EGF: variants seen among roughly 807,000 people sequenced by gnomAD.
EGF encodes pro-epidermal growth factor.
A neutral mutation model predicts 143.8 loss-of-function variants in EGF; 95 were observed. That is an observed-to-expected ratio of 0.66 (90% CI 0.56 to 0.78). EGF has a LOEUF of 0.78. Ranked by LOEUF, EGF falls within the 30% of genes least tolerant of loss-of-function variation. EGF has a pLI of 0.00. For missense variants in EGF, 1,320 were observed against 1,470.9 expected, an observed-to-expected ratio of 0.90 and a Z score of 1.68; for synonymous variants, 510 against 510.5, an observed-to-expected ratio of 1.00 and a Z score of 0.01.
chr4:109,928,187 T>C (rs540417452), intron 1 of EGF, among the ~76,000 whole-genome samples: 1 of 152,160 alleles, frequency 6.6e-6, no homozygotes, highest in African/African-American at 2.4e-5. Flanking sequence ...AATTTAATGG[T>C]GAAAGGCCAG....
chr4:109,983,132 G>T (rs1295710284), intron 15 of EGF, among the ~76,000 whole-genome samples: 3 of 152,084 alleles, frequency 2.0e-5, no homozygotes, highest in African/African-American at 4.8e-5. Flanking sequence ...GTCCCTGAGG[G>T]TTTTGGTATT....
At chr4:109,916,807 T>A (rs1446808988) in intron 1 of EGF, among the ~76,000 whole-genome samples, 1 of 152,204 alleles carries the variant, frequency 6.6e-6, no homozygotes, top group Non-Finnish European at 1.5e-5. Context: ...TGTGGCTTGG[T>A]TTCGCCTATA....
intron 16 of EGF, among the ~76,000 whole-genome samples, chr4:109,986,283 A>T (rs1172564536): frequency 3.9e-5 from 6 of 152,242 alleles, no homozygotes; most frequent in African/African-American, 1.4e-4. Context: ...CAAGTGATTT[A>T]AAACATCTTG....
At position 109,958,883 on chromosome 4, in the gene EGF, A is replaced by T. The variant is rs11568924; in HGVS notation, c.941-429A>T. ...CAGTGAGCCAAGATTGTGCCACTGC[A>T]CTCCAGCCTGGGTGACAGGGGGAGA... On this transcript the variant is annotated intron_variant, in intron 5 of 23. Coordinates refer to ENST00000265171, the MANE Select transcript of EGF (RefSeq NM_001963.6). Among the ~76,000 whole-genome samples the T allele has an allele frequency of 0.013, 1,887 of 144,240 alleles. 191 individuals are homozygous for T. In the East Asian group the frequency reaches 0.23, roughly 18 times the overall value. The allele number at this position is 144,240 out of a possible 152,430, so 94.6% of individuals were successfully genotyped here. A position where few individuals can be genotyped will look rare whatever the true frequency, so the allele number is the denominator to read the frequency against.
chr4:109,958,398 T>G (rs945131104), intron 5 of EGF, among the ~76,000 whole-genome samples: 1 of 152,194 alleles, frequency 6.6e-6, no homozygotes, highest in African/African-American at 2.4e-5. Flanking sequence ...TGGTACAAAA[T>G]TGACCACTTA....
chr4:109,980,685 T>C, intron 14 of EGF, 141 bp from the exon 15 acceptor site: 1 of 910,292 alleles, frequency 1.1e-6, no homozygotes, highest in Non-Finnish European at 1.8e-6. Flanking sequence ...CTGAAATAGC[T>C]ATTGATATAC....
chr4:109,960,316 C>G (rs1005095032), intron 6 of EGF, among the ~76,000 whole-genome samples: 1 of 152,066 alleles, frequency 6.6e-6, no homozygotes, highest in Non-Finnish European at 1.5e-5. Context: ...TACCTTTTTC[C>G]CAAGGGTTAT....
chr4:109,979,278 T>C (rs1238073784), intron 13 of EGF, among the ~76,000 whole-genome samples: 1 of 151,494 alleles, frequency 6.6e-6, no homozygotes, highest in Non-Finnish European at 1.5e-5. Context: ...GAAATGAAGA[T>C]GGGAGAGAGG....
intron 1 of EGF, among the ~76,000 whole-genome samples, chr4:109,924,978 A>G (rs943611950): frequency 2.0e-5 from 3 of 152,192 alleles, no homozygotes; most frequent in Admixed American, 2.0e-4. Flanking sequence ...GACAAGCAAG[A>G]TATTTGTAAA....
At chr4:109,980,691 T>C in intron 14 of EGF, 135 bp from the exon 15 acceptor site, 1 of 956,426 alleles carries the variant, frequency 1.0e-6, no homozygotes, top group Non-Finnish European at 1.7e-6. Context: ...TAGCTATTGA[T>C]ATACCCTCTA....
At chr4:109,929,870 G>A (rs1359807878) in intron 1 of EGF, among the ~76,000 whole-genome samples, 1 of 152,152 alleles carries the variant, frequency 6.6e-6, no homozygotes, top group Non-Finnish European at 1.5e-5. Context: ...ATTTGTGCTT[G>A]ATATGGTTGG....
intron 1 of EGF, among the ~76,000 whole-genome samples, chr4:109,927,850 A>T (rs1739009078): frequency 1.5e-5 from 2 of 137,184 alleles, no homozygotes; most frequent in South Asian, 4.5e-4. Flanking sequence ...TGTGTGTGTG[A>T]AACATTTGGA....
intron 5 of EGF, among the ~76,000 whole-genome samples, chr4:109,951,799 T>A (rs996603014): frequency 1.3e-5 from 2 of 152,210 alleles, no homozygotes; most frequent in Non-Finnish European, 2.9e-5. Context: ...TACACTCTAT[T>A]ATCTATCATT....
At chr4:109,915,709 A>C (rs1736529648) in intron 1 of EGF, among the ~76,000 whole-genome samples, 1 of 152,192 alleles carries the variant, frequency 6.6e-6, no homozygotes, top group African/African-American at 2.4e-5. Context: ...CCTCATTTAA[A>C]TTCTACTTGC....
rs1030135588 is a variant in EGF at position 110,006,185 on chromosome 4, A to T, written c.3291+1563A>T. ...AGATCATATTTCTTTAAAAAGATTA[A>T]AAAAAAAAACTTTGCTGGGTGTGGT... On this transcript the variant is annotated intron_variant, in intron 22 of 23. Transcript: ENST00000265171. 6.5e-4 allele frequency among the ~76,000 whole-genome samples: 59 copies of T among 91,388 alleles called. No individual in the cohort carries two copies. In the African/African-American group the frequency reaches 8.1e-3, roughly 13 times the overall value. The allele number at this position is 91,388 out of a possible 152,430, so 60.0% of individuals were successfully genotyped here.
chr4:109,938,665 G>C (rs1016398198), intron 1 of EGF, among the ~76,000 whole-genome samples: 1 of 152,142 alleles, frequency 6.6e-6, no homozygotes, highest in Non-Finnish European at 1.5e-5. Context: ...ATCTACCTTT[G>C]GTCTTTGATG....
intron 13 of EGF, among the ~76,000 whole-genome samples, chr4:109,978,768 A>T (rs1438876219): frequency 6.6e-6 from 1 of 152,242 alleles, no homozygotes; most frequent in African/African-American, 2.4e-5. Flanking sequence ...TAGCTATGTT[A>T]AAAATTCCCT....
intron 1 of EGF, among the ~76,000 whole-genome samples, chr4:109,919,325 CTCTCTCTCTCTCTCTCA>C (rs1737336321): frequency 1.5e-5 from 2 of 134,114 alleles, no homozygotes; most frequent in East Asian, 5.6e-4. Flanking sequence ...CTCTCTCTCT[CTCTCTCTCTCTCTCTCA>C]TCTCTCTCTC....
Position 109,964,599 on chromosome 4 carries a change from C to T in EGF, c.1575+62C>T. ...TTAAGGACAGAGTAGAGGATTTTATCCTAACAAATGACCTGGCCTACTTGA... is the reference window on the plus strand; with the variant it reads ...TTAAGGACAGAGTAGAGGATTTTATTCTAACAAATGACCTGGCCTACTTGA... On this transcript the variant is annotated intron_variant, in intron 10 of 23. Transcript: ENST00000265171. 4.4e-6 allele frequency: 7 copies of T among 1,608,154 alleles called. No homozygotes were observed. The South Asian group carries it at 4.4e-5, about 10-fold the overall frequency.
Sources: gnomAD v4.1 joint callset for allele counts (sites outside exome capture counted in the v4.1 genomes callset) on GRCh38, gnomAD v4.1.1 for gene constraint, MANE v1.5 for transcripts, NCBI Gene and HGNC (gene_info 2026-07-23, HGNC 2026-07-21) for gene names.